Variants in FUCA1 observed in about 807,000 individuals in gnomAD.
FUCA1 encodes the protein tissue alpha-L-fucosidase.
Under a neutral mutation model 56.8 loss-of-function variants are expected in FUCA1, and 52 were observed. The observed-to-expected ratio is 0.92, with a 90% CI of 0.73 to 1.15. The LOEUF (loss-of-function observed/expected upper bound fraction) is 1.15. Among genes scored for constraint, FUCA1 ranks in the 50% most tolerant of loss-of-function variants. FUCA1 has a pLI of 0.00. For missense variants in FUCA1, 568 were observed against 592.6 expected, an observed-to-expected ratio of 0.96 and a Z score of 0.43; for synonymous variants, 230 against 226.6, an observed-to-expected ratio of 1.02 and a Z score of -0.14.
chr1:23,852,863 A>G (rs1283620999), intron 5 of FUCA1, among the ~76,000 whole-genome samples: 2 of 151,646 alleles, frequency 1.3e-5, no homozygotes, highest in Non-Finnish European at 2.9e-5. Flanking sequence ...TGGCCTCCCA[A>G]AGTGCCGAGA....
intron 5 of FUCA1, among the ~76,000 whole-genome samples, chr1:23,850,179 A>C (rs1460987896): frequency 6.6e-6 from 1 of 151,644 alleles, no homozygotes; most frequent in Non-Finnish European, 1.5e-5. Flanking sequence ...AGCTGGGCAC[A>C]GTGGTAGGCA....
rs775385097 is a variant in FUCA1, at chr1:23,848,793, A to T, written c.1016T>A (p.Ile339Asn). The T allele has an allele frequency of 6.2e-7, 1 of 1,614,060 alleles. No homozygotes were observed. Among genetic ancestry groups the T allele is most frequent in the South Asian group, 1.1e-5 (1 of 91,082 alleles). ...AATCAGTCCATCTTTAGTTGGTCCA[A>T]TGTTCAGAAGATAGTTGCCTCCCAA... ...VSLGGNYLLN[I>N]GPTKDGLIVP... The change falls in exon 6 of 8, where the codon ATT becomes AAT. Residue 339 changes from isoleucine (I) to asparagine (N), a missense_variant. Ile to Asn is a moderately radical substitution (Grantham distance 149). Transcript: ENST00000374479.
intron 3 of FUCA1, among the ~76,000 whole-genome samples, chr1:23,860,831 G>A (rs1278172887): frequency 6.6e-6 from 1 of 151,598 alleles, no homozygotes; most frequent in Non-Finnish European, 1.5e-5. Flanking sequence ...TACAGACAGT[G>A]TTTTGCCATC....
chr1:23,845,689 G>A lies in FUCA1; in HGVS notation c.*26C>T, dbSNP rs772713418. The A allele has an allele frequency of 2.1e-5, 34 of 1,613,774 alleles. No individual in the cohort carries two copies. Among genetic ancestry groups the A allele is most frequent in the South Asian group, 7.7e-5 (7 of 91,070 alleles). On this transcript the variant is annotated 3_prime_UTR_variant, in exon 8 of 8. Transcript: ENST00000374479. ...CTGAAGCAGGAAAACAGTGAGCAGCGCCTCTTTCTTCTTGCACTCAAATGA... is the reference window on the plus strand; with the variant it reads ...CTGAAGCAGGAAAACAGTGAGCAGCACCTCTTTCTTCTTGCACTCAAATGA...
Position 23,854,435 on chromosome 1 carries a change from G to A in FUCA1, c.894C>T (p.Ser298=). The change falls in exon 5 of 8, where the codon AGC becomes AGT. Residue 298 remains serine (S), a synonymous_variant. Coordinates refer to ENST00000374479, the MANE Select transcript of FUCA1 (RefSeq NM_000147.5). ...GATAGCCCCAGGAAAACTTGTCAAT[G>A]CTGGTGCACATCTCCCACTTGTGAT... The part of the protein sequence containing the change: ...LPDHKWEMCT[S]IDKFSWGYRR... The A allele has an allele frequency of 6.2e-7, 1 of 1,614,082 alleles. No individual in the cohort carries two copies. Among genetic ancestry groups the A allele is most frequent in the Non-Finnish European group, 8.5e-7 (1 of 1,179,994 alleles).
At chr1:23,862,415 C>T (rs1018550405) in intron 3 of FUCA1, among the ~76,000 whole-genome samples, 1 of 152,184 alleles carries the variant, frequency 6.6e-6, no homozygotes, top group African/African-American at 2.4e-5. Flanking sequence ...GATCTGCCTG[C>T]CTCGGCCTCC....
intron 2 of FUCA1, among the ~76,000 whole-genome samples, chr1:23,864,712 T>C (rs377696978): frequency 6.6e-6 from 1 of 151,396 alleles, no homozygotes; most frequent in Non-Finnish European, 1.5e-5. Flanking sequence ...TTTTCTTTTT[T>C]TTTTTTTTTT....
chr1:23,848,607 G>A, intron 6 of FUCA1, 42 bp downstream of exon 6: 6 of 1,586,312 alleles, frequency 3.8e-6, no homozygotes, highest in South Asian at 3.3e-5. Context: ...TTCCGGATGG[G>A]GCACTGTTCT....
chr1:23,863,722 C>A (rs751875607), intron 2 of FUCA1, among the ~76,000 whole-genome samples: 8 of 151,886 alleles, frequency 5.3e-5, no homozygotes, highest in African/African-American at 1.9e-4. Context: ...TGTGGTGGTG[C>A]GAGCCTGTAG....
At chr1:23,853,992 C>T (rs988489228) in intron 5 of FUCA1, among the ~76,000 whole-genome samples, 1 of 150,770 alleles carries the variant, frequency 6.6e-6, no homozygotes, top group African/African-American at 2.4e-5. Flanking sequence ...ATCTGCTGAC[C>T]CTCCCTCCAC....
At chr1:23,851,286 C>G (rs1177858264) in intron 5 of FUCA1, among the ~76,000 whole-genome samples, 2 of 152,026 alleles carry the variant, frequency 1.3e-5, no homozygotes, top group Non-Finnish European at 2.9e-5. Context: ...ATTGCTTGAA[C>G]CCGGGAGACG....
At chr1:23,849,186 C>T (rs1639206997) in intron 5 of FUCA1, among the ~76,000 whole-genome samples, 1 of 152,030 alleles carries the variant, frequency 6.6e-6, no homozygotes, top group Admixed American at 6.6e-5. Context: ...GGTTTCACCA[C>T]GTTGGCCAGG....
At position 23,865,534 on chromosome 1, in the gene FUCA1, G is replaced by A. The variant is rs1429144724; in HGVS notation, c.481C>T (p.His161Tyr). ...WNWNSKDVGP[H>Y]RDLVGELGTA... ...CCCAATTCACCAACCAAATCCCGAT[G>A]AGGCCCCACGTCTTTGGAGTTCCAG... is the stretch of plus-strand genomic sequence containing the variant. Residue 161 changes from histidine to tyrosine, a missense_variant, in exon 2 of 8, where the codon CAT becomes TAT. Physicochemically the swap from His to Tyr is moderately conservative, Grantham distance 83. Coordinates refer to ENST00000374479, the MANE Select transcript of FUCA1 (RefSeq NM_000147.5). 6.2e-6 allele frequency: 10 copies of A among 1,614,200 alleles called. No individual in the cohort carries two copies. Among genetic ancestry groups the A allele is most frequent in the Non-Finnish European group, 7.6e-6 (9 of 1,180,036 alleles).
At chr1:23,850,101 G>A (rs1639225506) in intron 5 of FUCA1, among the ~76,000 whole-genome samples, 1 of 151,934 alleles carries the variant, frequency 6.6e-6, no homozygotes, top group Non-Finnish European at 1.5e-5. Flanking sequence ...GATTACCTGA[G>A]GTCAGGAGTT....
Position 23,868,148 on chromosome 1 carries a change from G to C in FUCA1, c.139C>G (p.Arg47Gly). 6.2e-7 allele frequency: 1 copy of C among 1,610,556 alleles called. No individual in the cohort carries two copies. Among genetic ancestry groups the C allele is most frequent in the Non-Finnish European group, 8.5e-7 (1 of 1,179,242 alleles). Residue 47 changes from arginine to glycine, a missense_variant, in exon 1 of 8, where the codon CGG becomes GGG. Transcript: ENST00000374479. ...YTPDWPSLDS[R>G]PLPAWFDEAK... ...TCGTCGAACCAGGCCGGCAGCGGCC[G>C]AGAATCCAGGCTCGGCCAGTCTGGG...
intron 4 of FUCA1, 60 bp from the exon 5 acceptor site, chr1:23,854,620 T>C: frequency 1.5e-6 from 2 of 1,327,828 alleles, no homozygotes; most frequent in South Asian, 2.3e-5. Context: ...CTTTATGTAA[T>C]ACACTTTGGT....
At chr1:23,864,405 C>G (rs571352512) in intron 2 of FUCA1, among the ~76,000 whole-genome samples, 1 of 152,038 alleles carries the variant, frequency 6.6e-6, no homozygotes, top group Non-Finnish European at 1.5e-5. Context: ...TAGTTCTTAA[C>G]GTACACAAAA....
chr1:23,851,386 AT>A (rs1639254907), intron 5 of FUCA1, among the ~76,000 whole-genome samples: 1 of 33,790 alleles, frequency 3.0e-5, no homozygotes, highest in East Asian at 7.1e-4. Flanking sequence ...AAATATACAC[AT>A]ACATACATAC....
chr1:23,865,379 T>C, intron 2 of FUCA1, 112 bp downstream of exon 2: 2 of 1,401,114 alleles, frequency 1.4e-6, no homozygotes, highest in South Asian at 2.3e-5. Context: ...CAAAAGCCCT[T>C]CAGGCTACTT....
Sources: gnomAD v4.1 joint callset for allele counts (sites outside exome capture counted in the v4.1 genomes callset) on GRCh38, gnomAD v4.1.1 for gene constraint, MANE v1.5 for transcripts, NCBI Gene and HGNC (gene_info 2026-07-23, HGNC 2026-07-21) for gene names.